Variants in CBLB observed in about 807,000 individuals in gnomAD.
CBLB encodes the protein Cbl proto-oncogene B, also known as E3 ubiquitin-protein ligase CBL-B.
In CBLB, 31 loss-of-function variants were observed where a neutral mutation model predicts 104.9. The observed-to-expected ratio is 0.30, with a 90% CI of 0.22 to 0.40. The LOEUF (loss-of-function observed/expected upper bound fraction) is 0.40, where lower values mean the gene tolerates loss of function less well. Ranked by LOEUF, CBLB falls within the 10% of genes least tolerant of loss-of-function variation. The pLI is 1.00. For missense variants in CBLB, 1,062 were observed against 1,214.6 expected, an observed-to-expected ratio of 0.87 and a Z score of 1.87; for synonymous variants, 440 against 422.6, an observed-to-expected ratio of 1.04 and a Z score of -0.51.
chr3:105,682,368 C>A (rs1180510805), intron 14 of CBLB, among the ~76,000 whole-genome samples: 3 of 152,196 alleles, frequency 2.0e-5, no homozygotes, highest in Non-Finnish European at 2.9e-5. Context: ...GGTACTATTT[C>A]ACCACTGCCA....
rs146520500 is a variant in CBLB at position 105,711,594 on chromosome 3, C to T, written c.1408-7421G>A. ...TACCTCCACAGATAATAAACAAAAG[C>T]TTATATGAAGAATATTGTGTTAGAG... On this transcript the variant is annotated intron_variant, in intron 10 of 18. Transcript: ENST00000394030. 5.5e-3 allele frequency among the ~76,000 whole-genome samples: 842 copies of T among 152,096 alleles called. 9 individuals are homozygous for T. The highest frequency in any genetic ancestry group is 0.019 in the African/African-American group (790 of 41,516).
rs762956793 is a variant in CBLB at position 105,702,475 on chromosome 3, A to AG, written c.1594-17dup. The AG allele has an allele frequency of 9.4e-6, 11 of 1,170,390 alleles. No homozygotes were observed. The East Asian group carries it at 2.0e-4, about 21-fold the overall frequency. The allele number at this position is 1,170,390 out of a possible 1,614,324, so 72.5% of individuals were successfully genotyped here. On this transcript the variant is annotated splice_polypyrimidine_tract_variant and intron_variant, in intron 11 of 18. Coordinates refer to ENST00000394030, the MANE Select transcript of CBLB (RefSeq NM_170662.5). ...AAGGAGAAGACTAAAGAAACAGAAGAGAAAAAAAAAAAAAAAAAAAAAAAC... is the reference window on the plus strand; with the variant it reads ...AAGGAGAAGACTAAAGAAACAGAAGAGGAAAAAAAAAAAAAAAAAAAAAAAC...
intron 13 of CBLB, among the ~76,000 whole-genome samples, chr3:105,691,663 G>C (rs2067707508): frequency 6.6e-6 from 1 of 152,134 alleles, no homozygotes; most frequent in African/African-American, 2.4e-5. Flanking sequence ...TTTAGCACTA[G>C]AATATAATCA....
intron 4 of CBLB, among the ~76,000 whole-genome samples, chr3:105,753,005 T>C (rs1286553369): frequency 6.6e-6 from 1 of 152,144 alleles, no homozygotes; most frequent in Non-Finnish European, 1.5e-5. Flanking sequence ...TCTCTGAAGA[T>C]CACACTTTAG....
At position 105,685,428 on chromosome 3, in the gene CBLB, G is replaced by C; in HGVS notation, c.2093C>G (p.Thr698Arg). The C allele has an allele frequency of 6.2e-7, 1 of 1,613,040 alleles. No individual in the cohort carries two copies. The highest frequency in any genetic ancestry group is 8.5e-7 in the Non-Finnish European group (1 of 1,179,172). ...ATCATCTTCCTCTACTGGGTCTCTTGTTTTCTCTGAAAGAGAATTTGCTAA... is the reference window on the plus strand; with the variant it reads ...ATCATCTTCCTCTACTGGGTCTCTTCTTTTCTCTGAAAGAGAATTTGCTAA... ...GPLANSLSEK[T>R]RDPVEEDDDE... is the part of the protein sequence containing the mutation. The change falls in exon 14 of 19, where the codon ACA becomes AGA. Residue 698 changes from threonine to arginine, a missense_variant. Physicochemically the swap from Thr to Arg is moderately conservative, Grantham distance 71 (BLOSUM62 -1). Around this residue, in one of 2 missense-constraint regions of CBLB, gnomAD observed 605 missense variants for 582.6 expected, o/e 1.04. Transcript: ENST00000394030.
At chr3:105,671,933 T>C (rs891858790) in intron 17 of CBLB, 1 of 192,580 alleles carries the variant, frequency 5.2e-6, no homozygotes, top group Non-Finnish European at 1.1e-5. Flanking sequence ...CATGAGACAA[T>C]GTTGATCTTT....
In CBLB at chr3:105,701,155, T is replaced by G. The variant is rs1173047751; in HGVS notation, c.1959+939A>C. 2.0e-5 allele frequency among the ~76,000 whole-genome samples: 3 copies of G among 152,180 alleles called. No homozygotes were observed. In the East Asian group the frequency reaches 5.8e-4, roughly 29 times the overall value. The stretch of plus-strand genomic sequence containing the variant: ...ACCAAGAATTCTAAAGTAAATGATT[T>G]CTGCTGCTGTCTCTTCAGTTTCCTG... On this transcript the variant is annotated intron_variant, in intron 12 of 18. Transcript: ENST00000394030.
At chr3:105,730,111 G>T (rs2074147530) in intron 9 of CBLB, among the ~76,000 whole-genome samples, 1 of 151,834 alleles carries the variant, frequency 6.6e-6, no homozygotes, top group South Asian at 2.1e-4. Context: ...GAGAAAACAT[G>T]AACCGGGGAT....
At chr3:105,809,154 T>C (rs753839363) in intron 3 of CBLB, among the ~76,000 whole-genome samples, 5 of 152,178 alleles carry the variant, frequency 3.3e-5, no homozygotes, top group Non-Finnish European at 7.3e-5. Context: ...AATACACACA[T>C]AAAGCAAATC....
chr3:105,788,832 G>A (rs1206761755), intron 3 of CBLB, among the ~76,000 whole-genome samples: 1 of 152,096 alleles, frequency 6.6e-6, no homozygotes, highest in Non-Finnish European at 1.5e-5. Flanking sequence ...ATAAATTTTT[G>A]AGGCTAGGCA....
chr3:105,702,499 A>AAAAAAAAATGTT, intron 11 of CBLB, 40 bp from the exon 12 acceptor site: 1 of 1,386,848 alleles, frequency 7.2e-7, no homozygotes. Context: ...AAAAAAAAAA[A>AAAAAAAAATGTT]CTAAAGGTTG....
chr3:105,685,971 C>G (rs1181920087), intron 13 of CBLB, among the ~76,000 whole-genome samples: 1 of 152,020 alleles, frequency 6.6e-6, no homozygotes, highest in East Asian at 1.9e-4. Context: ...CTTAACTATC[C>G]TGTGAAATTA....
intron 4 of CBLB, among the ~76,000 whole-genome samples, chr3:105,754,837 C>A (rs2076935569): frequency 6.6e-6 from 1 of 152,078 alleles, no homozygotes; most frequent in African/African-American, 2.4e-5. Context: ...CTATCTATTA[C>A]ACAGAAATCT....
At chr3:105,676,608 A>G (rs2065673144) in intron 17 of CBLB, among the ~76,000 whole-genome samples, 1 of 152,208 alleles carries the variant, frequency 6.6e-6, no homozygotes. Context: ...AAATCATGTT[A>G]AAGTCTATGT....
intron 3 of CBLB, among the ~76,000 whole-genome samples, chr3:105,777,128 T>C (rs2079574357): frequency 6.6e-6 from 1 of 152,088 alleles, no homozygotes; most frequent in Non-Finnish European, 1.5e-5. Context: ...GAGCAGAGGG[T>C]AACAGGAGAA....
At chr3:105,813,346 T>C (rs2084562305) in intron 3 of CBLB, among the ~76,000 whole-genome samples, 1 of 152,060 alleles carries the variant, frequency 6.6e-6, no homozygotes, top group African/African-American at 2.4e-5. Flanking sequence ...TAAAAGAAAA[T>C]TCATTTTACA....
At chr3:105,847,444 T>C (rs878895500) in intron 3 of CBLB, among the ~76,000 whole-genome samples, 1 of 151,138 alleles carries the variant, frequency 6.6e-6, no homozygotes, top group Non-Finnish European at 1.5e-5. Flanking sequence ...TTTTGTCATT[T>C]ATTTTTTCTA....
At chr3:105,802,785 A>T (rs1430123545) in intron 3 of CBLB, among the ~76,000 whole-genome samples, 1 of 152,224 alleles carries the variant, frequency 6.6e-6, no homozygotes, top group East Asian at 1.9e-4. Flanking sequence ...GAACTCCATA[A>T]AACATTTAGA....
intron 3 of CBLB, among the ~76,000 whole-genome samples, chr3:105,794,463 G>T (rs2082030682): frequency 1.3e-5 from 2 of 152,138 alleles, no homozygotes; most frequent in Admixed American, 1.3e-4. Context: ...AGTCTTTTAG[G>T]ATATTTTGAA....
Sources: gnomAD v4.1 joint callset for allele counts (sites outside exome capture counted in the v4.1 genomes callset) on GRCh38, gnomAD v4.1.1 for gene constraint, gnomAD v4.1.1 regional missense constraint, MANE v1.5 for transcripts, NCBI Gene and HGNC (gene_info 2026-07-23, HGNC 2026-07-21) for gene names.